Variants in PHKB observed in about 807,000 individuals in gnomAD.
PHKB encodes phosphorylase kinase regulatory subunit beta, also known as phosphorylase b kinase regulatory subunit beta.
Under a neutral mutation model 152.1 loss-of-function variants are expected in PHKB, and 122 were observed. The ratio of observed to expected loss-of-function variants is 0.80; its 90% confidence interval spans 0.69 to 0.93. The LOEUF is 0.93. Ranked by LOEUF, PHKB falls within the 40% of genes least tolerant of loss-of-function variation. The pLI is 0.00. For synonymous variants in PHKB, 436 were observed against 464.9 expected, an observed-to-expected ratio of 0.94 and a Z score of 0.80; for missense variants, 1,304 against 1,328.4, an observed-to-expected ratio of 0.98 and a Z score of 0.29.
intron 7 of PHKB, among the ~76,000 whole-genome samples, chr16:47,558,848 C>A: frequency 6.6e-6 from 1 of 152,222 alleles, no homozygotes; most frequent in South Asian, 2.1e-4. Context: ...CTGTGCCCAG[C>A]CTTGTTTCTT....
chr16:47,620,058 A>G (rs1261338916), intron 14 of PHKB, among the ~76,000 whole-genome samples: 1 of 152,216 alleles, frequency 6.6e-6, no homozygotes, highest in African/African-American at 2.4e-5. Context: ...GTCTGAAACT[A>G]TTATATTTAA....
In PHKB at chr16:47,485,817, C is replaced by T. The variant is rs146212029; in HGVS notation, c.77-11582C>T. 4.3e-3 allele frequency among the ~76,000 whole-genome samples: 647 copies of T among 152,042 alleles called. 6 individuals carry two copies. The highest frequency in any genetic ancestry group is 0.015 in the African/African-American group (611 of 41,480). Reference sequence around the variant, plus strand: ...AAATTTTTTTGTACAGATGGGGTTTCGCCATGTTGCCAAGGCCGATCTGGG... The same window carrying T: ...AAATTTTTTTGTACAGATGGGGTTTTGCCATGTTGCCAAGGCCGATCTGGG... On this transcript the variant is annotated intron_variant, in intron 1 of 30. Transcript: ENST00000323584.
At chr16:47,498,912 G>A (rs1314190708) in intron 2 of PHKB, among the ~76,000 whole-genome samples, 1 of 152,030 alleles carries the variant, frequency 6.6e-6, no homozygotes, top group Non-Finnish European at 1.5e-5. Context: ...CAAAACAAAA[G>A]GGTAGTTGCC....
intron 26 of PHKB, among the ~76,000 whole-genome samples, chr16:47,677,813 C>T (rs369007465): frequency 6.6e-6 from 1 of 151,490 alleles, no homozygotes; most frequent in Non-Finnish European, 1.5e-5. Context: ...TACATGTGCA[C>T]AATGTGCAGG....
chr16:47,570,654 C>A (rs1179243824), intron 7 of PHKB, among the ~76,000 whole-genome samples: 2 of 151,248 alleles, frequency 1.3e-5, no homozygotes, highest in African/African-American at 4.9e-5. Context: ...TAATATCGAC[C>A]TCTCTAGAAA....
intron 5 of PHKB, among the ~76,000 whole-genome samples, chr16:47,513,319 A>G (rs8054041): frequency 0.02 from 3,104 of 152,288 alleles, 105 homozygotes; most frequent in African/African-American, 0.07. Flanking sequence ...CATTTTTGAC[A>G]GGCTTGTGTC....
intron 1 of PHKB, among the ~76,000 whole-genome samples, chr16:47,473,207 A>G (rs1249760014): frequency 1.7e-5 from 2 of 116,438 alleles, no homozygotes; most frequent in African/African-American, 6.4e-5. Flanking sequence ...GTGCACTACC[A>G]TGCCTGGCTA....
intron 16 of PHKB, among the ~76,000 whole-genome samples, chr16:47,645,336 T>A (rs2098696016): frequency 7.8e-6 from 1 of 128,818 alleles, no homozygotes; most frequent in Admixed American, 8.5e-5. Context: ...CTAGGGTTTT[T>A]ATGGTTTTAG....
At chr16:47,525,934 A>G (rs897614573) in intron 6 of PHKB, among the ~76,000 whole-genome samples, 12 of 152,148 alleles carry the variant, frequency 7.9e-5, no homozygotes, top group Non-Finnish European at 1.5e-5. Flanking sequence ...TAATTTGAGT[A>G]CTTTCTGTGG....
intron 14 of PHKB, among the ~76,000 whole-genome samples, chr16:47,611,906 C>T (rs926471970): frequency 1.3e-5 from 2 of 152,210 alleles, no homozygotes; most frequent in Admixed American, 6.5e-5. Context: ...GAAAATTTCT[C>T]ACTGGCCTGT....
At chr16:47,559,763 T>C (rs1236438002) in intron 7 of PHKB, among the ~76,000 whole-genome samples, 1 of 152,206 alleles carries the variant, frequency 6.6e-6, no homozygotes, top group Non-Finnish European at 1.5e-5. Flanking sequence ...CCACATCCTA[T>C]TTGTTAGAGT....
chr16:47,669,474 G>A, intron 26 of PHKB, 57 bp downstream of exon 26: 1 of 1,485,218 alleles, frequency 6.7e-7, no homozygotes, highest in Non-Finnish European at 9.4e-7. Flanking sequence ...TCCTCTAACA[G>A]ACCCGGCCTC....
chr16:47,681,878 C>T (rs570040218), intron 26 of PHKB, among the ~76,000 whole-genome samples: 1 of 152,292 alleles, frequency 6.6e-6, no homozygotes. Flanking sequence ...ATGGTCTTTA[C>T]ATTTTGGCAT....
rs552076011 is a variant in PHKB, at chr16:47,485,849, G to C, written c.77-11550G>C. Among the ~76,000 whole-genome samples, 4 of 151,884 alleles carry C rather than the reference G, an allele frequency of 2.6e-5. No individual in the cohort carries two copies. In the South Asian group the frequency reaches 6.3e-4, roughly 24 times the overall value. On this transcript the variant is annotated intron_variant, in intron 1 of 30. Transcript: ENST00000323584. ...TTGCCAAGGCCGATCTGGGACTCCT[G>C]GGCTCAAATGATCCTCCTGCCTTGG... is the stretch of plus-strand genomic sequence containing the variant.
intron 9 of PHKB, among the ~76,000 whole-genome samples, chr16:47,588,551 A>G (rs1202283386): frequency 6.6e-6 from 1 of 152,200 alleles, no homozygotes; most frequent in African/African-American, 2.4e-5. Context: ...AATAGTTGCT[A>G]ATTTACTCAA....
At chr16:47,529,140 T>A (rs1487861585) in intron 6 of PHKB, 1 of 152,208 alleles carries the variant, frequency 6.6e-6, no homozygotes, top group East Asian at 1.9e-4. Flanking sequence ...TAGGTGGTAT[T>A]CCTCTAGGTA....
chr16:47,477,363 A>T (rs573652074), intron 1 of PHKB, among the ~76,000 whole-genome samples: 1 of 152,190 alleles, frequency 6.6e-6, no homozygotes, highest in Non-Finnish European at 1.5e-5. Context: ...AATGTTGAAT[A>T]ATAATACAAG....
At chr16:47,638,208 C>T (rs1318412249) in intron 14 of PHKB, among the ~76,000 whole-genome samples, 1 of 152,096 alleles carries the variant, frequency 6.6e-6, no homozygotes, top group Non-Finnish European at 1.5e-5. Flanking sequence ...TGGGGAAGAA[C>T]TAGCCATATA....
chr16:47,596,230 C>G, intron 12 of PHKB, 143 bp from the exon 13 acceptor site: 1 of 631,810 alleles, frequency 1.6e-6, no homozygotes, highest in Non-Finnish European at 2.7e-6. Context: ...ATTGTGAGGC[C>G]TCCCCAGCCA....
Sources: gnomAD v4.1 joint callset for allele counts (sites outside exome capture counted in the v4.1 genomes callset) on GRCh38, gnomAD v4.1.1 for gene constraint, MANE v1.5 for transcripts, NCBI Gene and HGNC (gene_info 2026-07-23, HGNC 2026-07-21) for gene names.